The following CYB5R4 variants were observed in gnomAD, a reference collection of about 807,000 sequenced individuals.
The protein encoded by CYB5R4 is N-terminal cytochrome b5 and cytochrome b5 oxidoreductase domain-containing protein.
CYB5R4 carries 55 observed loss-of-function variants against 70.2 expected under a neutral mutation model. The observed-to-expected ratio is 0.78, with a 90% CI of 0.63 to 0.98. CYB5R4 has a LOEUF of 0.98. CYB5R4 is among the 50% of genes least tolerant of loss of function. CYB5R4 has a pLI of 0.00. For missense variants in CYB5R4, 562 were observed against 612.6 expected (o/e 0.92, Z 0.87); for synonymous variants, 197 against 199.5 (o/e 0.99, Z 0.11).
At chr6:83,955,943 T>A (rs769737681) in intron 15 of CYB5R4, among the ~76,000 whole-genome samples, 3 of 152,188 alleles carry the variant, frequency 2.0e-5, no homozygotes, top group Non-Finnish European at 4.4e-5. Context: ...AGACTAATAG[T>A]TGAAGCATGG....
intron 3 of CYB5R4, among the ~76,000 whole-genome samples, chr6:83,899,263 A>G (rs549076707): frequency 6.6e-6 from 1 of 152,304 alleles, no homozygotes; most frequent in African/African-American, 2.4e-5. Flanking sequence ...ATGCTGGATT[A>G]CGTTTATTGA....
intron 3 of CYB5R4, among the ~76,000 whole-genome samples, chr6:83,895,749 G>A (rs2099461784): frequency 6.6e-6 from 1 of 152,096 alleles, no homozygotes. Flanking sequence ...TAGATTGCTA[G>A]ATTCAGAACA....
At position 83,965,166 on chromosome 6, in the gene CYB5R4, A is replaced by C. The variant is rs747744099; in HGVS notation, c.*5288A>C. 5.9e-5 allele frequency: 9 copies of C among 152,204 alleles called. No homozygotes were observed. Among genetic ancestry groups the C allele is most frequent in the Non-Finnish European group, 5.9e-5 (4 of 68,072 alleles). The allele number at this position is 152,204 out of a possible 1,614,324, so 9.4% of individuals were successfully genotyped here. On this transcript the variant is annotated 3_prime_UTR_variant, in exon 16 of 16. Coordinates refer to ENST00000369681, the MANE Select transcript of CYB5R4 (RefSeq NM_016230.4). ...GACACCGCCTAGTGGAGCTGTGAGAAGAGGACCACTGTCCTCCAGACCCCA... is the reference window on the plus strand; with the variant it reads ...GACACCGCCTAGTGGAGCTGTGAGACGAGGACCACTGTCCTCCAGACCCCA...
rs1158109253 is a variant in CYB5R4, at chr6:83,921,110, A to G, written c.593A>G (p.Asp198Gly). The G allele has an allele frequency of 1.3e-6, 2 of 1,529,726 alleles. No individual in the cohort carries two copies. The highest frequency in any genetic ancestry group is 1.4e-5 in the African/African-American group (1 of 71,960). 94.8% of individuals were successfully genotyped at this position (1,529,726 alleles called of 1,614,324 possible). A position where few individuals can be genotyped will look rare whatever the true frequency, so the allele number is the denominator to read the frequency against. ...ATCAATTTAGACTCAATAATAGTTG[A>G]TCATCAGAATGATTCCTTTAGAGCA... ...KDINLDSIIV[D>G]HQNDSFRAET... is the part of the protein sequence containing the mutation. The change falls in exon 8 of 16, where the codon GAT (aspartate) becomes GGT (glycine). Residue 198 changes from aspartate to glycine, a missense_variant. Transcript: ENST00000369681.
Position 83,892,820 on chromosome 6 carries a change from G to A in CYB5R4, c.230-702G>A, listed in dbSNP as rs549969809. Among the ~76,000 whole-genome samples the A allele has an allele frequency of 5.5e-5, 8 of 146,774 alleles. No homozygotes were observed. In the East Asian group the frequency reaches 1.4e-3, roughly 26 times the overall value. ...ATATGGAAATGTTATGTCTGTAGTAGTCACTTTCTCTCTCTCTCTTCCTCT... is the reference window on the plus strand; with the variant it reads ...ATATGGAAATGTTATGTCTGTAGTAATCACTTTCTCTCTCTCTCTTCCTCT... On this transcript the variant is annotated intron_variant, in intron 2 of 15. Transcript: ENST00000369681.
chr6:83,924,349 C>T lies in CYB5R4; in HGVS notation c.692-121C>T, dbSNP rs2099466929. Reference sequence around the variant, plus strand: ...TGTAAGCAAAATCTTATTTATCCCACTAATAATCAGTACCATTCATATTAG... The same window carrying T: ...TGTAAGCAAAATCTTATTTATCCCATTAATAATCAGTACCATTCATATTAG... On this transcript the variant is annotated intron_variant, in intron 9 of 15. Transcript: ENST00000369681. The T allele has an allele frequency of 3.2e-5, 30 of 934,186 alleles. 1 individual carries two copies. In the South Asian group the frequency reaches 5.8e-4, roughly 18 times the overall value. The allele number at this position is 934,186 out of a possible 1,614,324, so 57.9% of individuals were successfully genotyped here.
At chr6:83,931,403 G>T (rs2099468114) in intron 10 of CYB5R4, among the ~76,000 whole-genome samples, 1 of 152,196 alleles carries the variant, frequency 6.6e-6, no homozygotes, top group South Asian at 2.1e-4. Context: ...GACTCCTAGT[G>T]CAGTCTTCTC....
At chr6:83,930,995 C>T (rs2099468053) in intron 10 of CYB5R4, among the ~76,000 whole-genome samples, 1 of 152,122 alleles carries the variant, frequency 6.6e-6, no homozygotes, top group African/African-American at 2.4e-5. Flanking sequence ...AGGTTTTTGG[C>T]TTAAGAGAGT....
intron 3 of CYB5R4, among the ~76,000 whole-genome samples, chr6:83,897,638 G>C (rs2099462125): frequency 6.6e-6 from 1 of 152,170 alleles, no homozygotes; most frequent in African/African-American, 2.4e-5. Flanking sequence ...GCATTTCTCT[G>C]ATGGCCAGTG....
chr6:83,868,018 T>C (rs2099457006), intron 2 of CYB5R4, among the ~76,000 whole-genome samples: 3 of 152,196 alleles, frequency 2.0e-5, no homozygotes, highest in South Asian at 4.1e-4. Flanking sequence ...CAAAATTACC[T>C]TTTTCTTCAC....
At position 83,964,070 on chromosome 6, in the gene CYB5R4, T is replaced by TC. The variant is rs1424004784; in HGVS notation, c.*4196dup. On this transcript the variant is annotated 3_prime_UTR_variant, in exon 16 of 16. Transcript: ENST00000369681. ...GTAAGTCCAATTAAACCCCTTTTTT[T>TC]CCCCAGTCTCAGGTACGTCTTTTAT... The TC allele has an allele frequency of 5.4e-6, 1 of 186,780 alleles. No individual in the cohort carries two copies. Among genetic ancestry groups the TC allele is most frequent in the East Asian group, 1.5e-4 (1 of 6,500 alleles). 11.6% of individuals were successfully genotyped at this position (186,780 alleles called of 1,614,324 possible). A position where few individuals can be genotyped will look rare whatever the true frequency, so the allele number is the denominator to read the frequency against.
chr6:83,922,448 T>C lies in CYB5R4; in HGVS notation c.669T>C (p.His223=). The C allele has an allele frequency of 1.2e-6, 2 of 1,613,260 alleles. No individual in the cohort carries two copies. Among genetic ancestry groups the C allele is most frequent in the African/African-American group, 1.3e-5 (1 of 74,996 alleles). ...ATTTGTCTGTCCTAGGGCTAAGCCATGAGGTTCAGGAAGATTTTTCTGGTA... is the reference window on the plus strand; with the variant it reads ...ATTTGTCTGTCCTAGGGCTAAGCCACGAGGTTCAGGAAGATTTTTCTGGTA... ...CLYLIHIGLS[H]EVQEDFSVRV... The change falls in exon 9 of 16, where the codon CAT becomes CAC. Residue 223 remains histidine (H), a synonymous_variant. Transcript: ENST00000369681.
chr6:83,897,801 C>G (rs1178800952), intron 3 of CYB5R4, among the ~76,000 whole-genome samples: 1 of 152,106 alleles, frequency 6.6e-6, no homozygotes, highest in Non-Finnish European at 1.5e-5. Context: ...AGCCCTTTGT[C>G]AGATGAGAAG....
intron 3 of CYB5R4, among the ~76,000 whole-genome samples, chr6:83,901,707 T>TG (rs1386589412): frequency 4.0e-5 from 6 of 149,834 alleles, no homozygotes; most frequent in Non-Finnish European, 8.9e-5. Flanking sequence ...TATTTCTTGT[T>TG]TTTTTTTTTG....
chr6:83,923,706 C>G (rs1487114261), intron 9 of CYB5R4, among the ~76,000 whole-genome samples: 3 of 151,968 alleles, frequency 2.0e-5, no homozygotes, highest in African/African-American at 7.3e-5. Context: ...TCAATTTACT[C>G]TATTGACTAG....
intron 2 of CYB5R4, among the ~76,000 whole-genome samples, chr6:83,868,235 T>G (rs578241334): frequency 1.3e-5 from 2 of 152,230 alleles, no homozygotes; most frequent in African/African-American, 4.8e-5. Flanking sequence ...CATTTTTAGA[T>G]TAGGTCTGAA....
At chr6:83,920,998 C>G in intron 7 of CYB5R4, 84 bp from the exon 8 acceptor site, 1 of 1,022,988 alleles carries the variant, frequency 9.8e-7, no homozygotes, top group Non-Finnish European at 1.3e-6. Context: ...TATGAAGTAC[C>G]GCAGATCACC....
At chr6:83,877,751 G>A (rs2099458808) in intron 2 of CYB5R4, among the ~76,000 whole-genome samples, 1 of 152,198 alleles carries the variant, frequency 6.6e-6, no homozygotes, top group Non-Finnish European at 1.5e-5. Flanking sequence ...GGGGACAAAT[G>A]TCTAAATCAT....
rs1253199585 is a variant in CYB5R4 at position 83,898,235 on chromosome 6, T to G, written c.330+4613T>G. Among the ~76,000 whole-genome samples, 9 of 152,288 alleles carry G rather than the reference T, an allele frequency of 5.9e-5. 2 individuals are homozygous for G. In the South Asian group the frequency reaches 1.0e-3, roughly 18 times the overall value. ...TTAAATAGGGAATCCTTTCCCCATT[T>G]CTTGTTTTTGTCAGGTTTGTCAAAG... On this transcript the variant is annotated intron_variant, in intron 3 of 15. Coordinates refer to ENST00000369681, the MANE Select transcript of CYB5R4 (RefSeq NM_016230.4).
Sources: gnomAD v4.1 joint callset for allele counts (sites outside exome capture counted in the v4.1 genomes callset) on GRCh38, gnomAD v4.1.1 for gene constraint, MANE v1.5 for transcripts, NCBI Gene and HGNC (gene_info 2026-07-23, HGNC 2026-07-21) for gene names.